PCDHGA7: variants seen among roughly 807,000 people sequenced by gnomAD.
PCDHGA7 encodes the protein protocadherin gamma subfamily A, 7, also known as protocadherin gamma-A7.
PCDHGA7 carries 44 observed loss-of-function variants against 58.3 expected under a neutral mutation model. The observed-to-expected ratio is 0.75, with a 90% CI of 0.59 to 0.97. The LOEUF (loss-of-function observed/expected upper bound fraction) is 0.97. Ranked by LOEUF, PCDHGA7 falls within the 50% of genes least tolerant of loss-of-function variation. PCDHGA7 has a pLI of 0.00. For synonymous variants in PCDHGA7, 516 were observed against 504.2 expected (o/e 1.02, Z -0.31); for missense variants, 1,266 against 1,188.7 (o/e 1.06, Z -0.96).
rs201022238 is a variant in PCDHGA7 at position 141,415,678 on chromosome 5, G to A, written c.2424+30355G>A. 470 of 1,555,406 alleles carry A rather than the reference G, an allele frequency of 3.0e-4. 2 individuals carry two copies. In the African/African-American group the frequency reaches 5.9e-3, roughly 20 times the overall value. ...GATTGGTTTTTACTTTGAAGTTTGC[G>A]GCATGATGGTGGAAAGTGTAAATGC... On this transcript the variant is annotated intron_variant, in intron 1 of 3. Coordinates refer to ENST00000518325, the MANE Select transcript of PCDHGA7 (RefSeq NM_018920.4).
rs749086929 is a variant in PCDHGA7, at chr5:141,485,998, T to A, written c.2425-8809T>A. ...CAGACCCGGACCTGGGTCCCAGTGG[T>A]AACGTCACCTTTTATTTCAGTGGTC... On this transcript the variant is annotated intron_variant, in intron 1 of 3. Transcript: ENST00000518325. The surrounding 1 kb of genome is among the most constrained non-coding windows in gnomAD (Gnocchi z 5.7). 2.4e-5 allele frequency: 38 copies of A among 1,614,068 alleles called. No individual in the cohort carries two copies. Among genetic ancestry groups the A allele is most frequent in the Non-Finnish European group, 3.1e-5 (37 of 1,180,046 alleles).
chr5:141,422,253 T>C (rs917280432), intron 1 of PCDHGA7: 58 of 1,566,438 alleles, frequency 3.7e-5, no homozygotes, highest in Non-Finnish European at 5.0e-5. Context: ...TGGATGTGAA[T>C]GATAACGCTC....
At chr5:141,398,896 C>T (rs776008122) in intron 1 of PCDHGA7, 5 of 1,613,946 alleles carry the variant, frequency 3.1e-6, no homozygotes, top group Non-Finnish European at 3.4e-6. Context: ...AAACGTGCCA[C>T]CAGGCACCAC....
Position 141,475,033 on chromosome 5 carries a change from A to G in PCDHGA7, c.2425-19774A>G, listed in dbSNP as rs1223709259. 2.0e-5 allele frequency among the ~76,000 whole-genome samples: 3 copies of G among 152,362 alleles called. No individual in the cohort carries two copies. In the East Asian group the frequency reaches 5.8e-4, roughly 29 times the overall value. ...TTAAGGCTCTTTATTCTGTGACTAA[A>G]GGCTTTGTATTTTCTAAAGATTTGT... is the stretch of plus-strand genomic sequence containing the variant. On this transcript the variant is annotated intron_variant, in intron 1 of 3. Transcript: ENST00000518325.
rs746309479 is a variant in PCDHGA7, at chr5:141,389,523, C to T, written c.2424+4200C>T. 36 of 1,613,164 alleles carry T rather than the reference C, an allele frequency of 2.2e-5. No homozygotes were observed. Among genetic ancestry groups the T allele is most frequent in the East Asian group, 4.5e-5 (2 of 44,878 alleles). On this transcript the variant is annotated intron_variant, in intron 1 of 3. Coordinates refer to ENST00000518325, the MANE Select transcript of PCDHGA7 (RefSeq NM_018920.4). ...AGCGCTCAGCGCGAACGTGAGCCTG[C>T]GCGTGTTAGTGGACGACCGCAACGA...
rs776132438 is a variant in PCDHGA7 at position 141,432,197 on chromosome 5, G to A, written c.2424+46874G>A. The A allele has an allele frequency of 2.5e-6, 4 of 1,614,112 alleles. No individual in the cohort carries two copies. The South Asian group carries it at 3.3e-5, about 13-fold the overall frequency. The stretch of plus-strand genomic sequence containing the variant: ...CGTCTCTGTGACCGCCCACGACCCC[G>A]ACTGTGAAGAGAACGCCCAGATCAC... On this transcript the variant is annotated intron_variant, in intron 1 of 3. Coordinates refer to ENST00000518325, the MANE Select transcript of PCDHGA7 (RefSeq NM_018920.4). The surrounding 1 kb of genome is among the most constrained non-coding windows in gnomAD (Gnocchi z 6.0).
At chr5:141,510,155 C>G (rs1044168112) in intron 3 of PCDHGA7, among the ~76,000 whole-genome samples, 2 of 151,942 alleles carry the variant, frequency 1.3e-5, no homozygotes, top group African/African-American at 4.8e-5. Context: ...CACCTGTAAT[C>G]TCAGCTACTC....
At position 141,383,685 on chromosome 5, in the gene PCDHGA7, C is replaced by T; in HGVS notation, c.786C>T (p.Leu262=). 5 of 1,614,018 alleles carry T rather than the reference C, an allele frequency of 3.1e-6. No individual in the cohort carries two copies. The highest frequency in any genetic ancestry group is 4.2e-6 in the Non-Finnish European group (5 of 1,179,888). The part of the protein sequence containing the change: ...PENVPVGTRL[L]TVHAIDLDEG... ...ATGTGCCAGTGGGTACAAGACTGCT[C>T]ACGGTACATGCTATCGACCTGGACG... is the stretch of plus-strand genomic sequence containing the variant. The change falls in exon 1 of 4, where the codon CTC becomes CTT. Residue 262 remains leucine, a synonymous_variant. Coordinates refer to ENST00000518325, the MANE Select transcript of PCDHGA7 (RefSeq NM_018920.4).
chr5:141,434,870 C>G (rs1263324193), intron 1 of PCDHGA7, among the ~76,000 whole-genome samples: 3 of 151,726 alleles, frequency 2.0e-5, no homozygotes, highest in Non-Finnish European at 1.5e-5. Flanking sequence ...ATATATGTGA[C>G]AGATACCAAC....
rs752703068 is a variant in PCDHGA7 at position 141,383,027 on chromosome 5, C to T, written c.128C>T (p.Ser43Phe). The T allele has an allele frequency of 1.2e-6, 2 of 1,613,838 alleles. No homozygotes were observed. Among genetic ancestry groups the T allele is most frequent in the Admixed American group, 1.7e-5 (1 of 60,034 alleles). ...YSVSEETDKG[S>F]FVGDIAKDLG... ...GTGTCGGAGGAGACGGACAAAGGGT[C>T]CTTTGTGGGAGACATCGCCAAGGAC... Residue 43 changes from serine (S) to phenylalanine (F), a missense_variant, in exon 1 of 4, where the codon TCC (serine) becomes TTC (phenylalanine). Ser to Phe is a radical substitution (Grantham distance 155). Coordinates refer to ENST00000518325, the MANE Select transcript of PCDHGA7 (RefSeq NM_018920.4).
intron 1 of PCDHGA7, chr5:141,421,458 T>C (rs2096575080): frequency 6.2e-7 from 1 of 1,614,122 alleles, no homozygotes; most frequent in Non-Finnish European, 8.5e-7. Flanking sequence ...AGCTTTTCGC[T>C]GTGAATCCGC....
At chr5:141,423,734 T>C in intron 1 of PCDHGA7, 1 of 969,626 alleles carries the variant, frequency 1.0e-6, no homozygotes, top group Non-Finnish European at 1.3e-6. Flanking sequence ...TTTTTGAGCC[T>C]GTTATGAAAA....
chr5:141,409,749 C>T (rs1477022032), intron 1 of PCDHGA7: 4 of 1,613,030 alleles, frequency 2.5e-6, no homozygotes, highest in Admixed American at 1.7e-5. Context: ...GTGGTGTTCG[C>T]GCAGCGCGCC....
intron 1 of PCDHGA7, chr5:141,422,968 C>A (rs766010601): frequency 6.2e-7 from 1 of 1,614,240 alleles, no homozygotes; most frequent in Non-Finnish European, 8.5e-7. Context: ...GCTGGCGCCC[C>A]GCTCTGCGGA....
Position 141,468,837 on chromosome 5 carries a change from G to A in PCDHGA7, c.2425-25970G>A, listed in dbSNP as rs550455857. ...GCCAAGATCAAGCCACTGCACTCCA[G>A]CCTGGGCAACAGAGCGAGACTCCAT... On this transcript the variant is annotated intron_variant, in intron 1 of 3. Transcript: ENST00000518325. 3.3e-5 allele frequency among the ~76,000 whole-genome samples: 5 copies of A among 152,228 alleles called. No homozygotes were observed. The East Asian group carries it at 9.7e-4, about 29-fold the overall frequency.
Position 141,477,531 on chromosome 5 carries a change from C to G in PCDHGA7, c.2425-17276C>G. ...GTTTACATTGAAGAAAACAACCTCC[C>G]CGGGGCTCCAATACTAAACCTAAGT... On this transcript the variant is annotated intron_variant, in intron 1 of 3. Coordinates refer to ENST00000518325, the MANE Select transcript of PCDHGA7 (RefSeq NM_018920.4). This position sits in a 1 kb window ranked among gnomAD's most constrained non-coding sequence, Gnocchi z 4.9. The G allele has an allele frequency of 6.2e-7, 1 of 1,614,162 alleles. No homozygotes were observed. Among genetic ancestry groups the G allele is most frequent in the South Asian group, 1.1e-5 (1 of 91,086 alleles).
intron 1 of PCDHGA7, among the ~76,000 whole-genome samples, chr5:141,460,653 G>A (rs10058370): frequency 0.17 from 25,559 of 151,914 alleles, 2,196 homozygotes; most frequent in South Asian, 0.22. Flanking sequence ...TTACACATAT[G>A]TAACTGTAAA....
chr5:141,460,556 T>C (rs762545295), intron 1 of PCDHGA7, among the ~76,000 whole-genome samples: 10 of 152,152 alleles, frequency 6.6e-5, no homozygotes, highest in Admixed American at 3.3e-4. Context: ...CAAAAATCAT[T>C]TGGCCATGGA....
chr5:141,415,740 G>GTTTTTTTTTTTTTTTTTTTGTTT, intron 1 of PCDHGA7: 1 of 617,992 alleles, frequency 1.6e-6, no homozygotes, highest in Non-Finnish European at 2.1e-6. Flanking sequence ...GTTTATTAAG[G>GTTTTTTTTTTTTTTTTTTTGTTT]TTTTTTTTTT....
Sources: allele counts gnomAD v4.1 joint callset (sites outside exome capture counted in the v4.1 genomes callset), GRCh38; gene constraint gnomAD v4.1.1; non-coding constraint Gnocchi (gnomAD v3.1); transcripts MANE v1.5; gene names NCBI Gene and HGNC (gene_info 2026-07-23, HGNC 2026-07-21).